GPHN: variants seen among roughly 807,000 people sequenced by gnomAD.
The protein encoded by GPHN is gephyrin.
In GPHN, 17 loss-of-function variants were observed where a neutral mutation model predicts 95.5. The observed-to-expected ratio is 0.18, with a 90% CI of 0.12 to 0.27. The LOEUF is 0.27. GPHN is among the 10% of genes least tolerant of loss of function. GPHN has a pLI of 1.00. For synonymous variants in GPHN, 320 were observed against 322.5 expected (o/e 0.99, Z 0.08); for missense variants, 660 against 978.1 (o/e 0.67, Z 4.34).
At chr14:67,375,236 G>C in the GPHN span, among the ~76,000 whole-genome samples, 1 of 15,926 alleles carries the variant, frequency 6.3e-5, no homozygotes, top group African/African-American at 2.6e-4. Context: ...TCAGTTCTGT[G>C]TGTGTGTGTG....
At chr14:67,678,978 G>A in the GPHN span, among the ~76,000 whole-genome samples, 7 of 152,212 alleles carry the variant, frequency 4.6e-5, no homozygotes, top group African/African-American at 1.7e-4. Context: ...AAGGTACGAG[G>A]TGTCTTGGTC....
the GPHN span, among the ~76,000 whole-genome samples, chr14:67,346,262 T>C: frequency 6.6e-6 from 1 of 152,220 alleles, no homozygotes; most frequent in East Asian, 1.9e-4. Flanking sequence ...ATGATTTAAT[T>C]AAATATCACA....
the GPHN span, among the ~76,000 whole-genome samples, chr14:67,221,096 T>G: frequency 1.3e-5 from 2 of 152,320 alleles, no homozygotes; most frequent in African/African-American, 2.4e-5. Flanking sequence ...AAATAAGTAT[T>G]TTGATTATTA....
In GPHN at chr14:66,584,536, G is replaced by A. The variant is rs563578752; in HGVS notation, c.64+75945G>A. 3.3e-5 allele frequency among the ~76,000 whole-genome samples: 5 copies of A among 152,212 alleles called. No individual in the cohort carries two copies. In the South Asian group the frequency reaches 1.0e-3, roughly 32 times the overall value. ...ATTGGCTGTGGGTTTGTCATAGATAGCTCTTATTATTTTGAGATATGTCCC... is the reference window on the plus strand; with the variant it reads ...ATTGGCTGTGGGTTTGTCATAGATAACTCTTATTATTTTGAGATATGTCCC... On this transcript the variant is annotated intron_variant, in intron 1 of 22. Coordinates refer to ENST00000478722, the MANE Select transcript of GPHN (RefSeq NM_020806.5).
At chr14:67,214,643 A>C in the GPHN span, among the ~76,000 whole-genome samples, 2 of 151,988 alleles carry the variant, frequency 1.3e-5, no homozygotes, top group African/African-American at 2.4e-5. Flanking sequence ...TGACTTGGCG[A>C]TGCGGGCTCT....
At chr14:66,623,203 C>A (rs557713491) in intron 1 of GPHN, among the ~76,000 whole-genome samples, 2 of 152,186 alleles carry the variant, frequency 1.3e-5, no homozygotes, top group Non-Finnish European at 2.9e-5. Context: ...CAGGGAAACT[C>A]CCATTTTTAA....
intron 1 of GPHN, among the ~76,000 whole-genome samples, chr14:66,674,345 G>A (rs766819755): frequency 1.3e-5 from 2 of 151,926 alleles, no homozygotes; most frequent in Non-Finnish European, 2.9e-5. Flanking sequence ...TGATCCACCC[G>A]CCTCAGCCTC....
intron 5 of GPHN, among the ~76,000 whole-genome samples, chr14:66,896,081 G>A (rs1433348397): frequency 2.6e-5 from 4 of 151,984 alleles, no homozygotes; most frequent in East Asian, 1.9e-4. Flanking sequence ...AGCTCCTGAC[G>A]GCTTCTTTTA....
At chr14:67,096,366 A>G (rs977694997) in intron 12 of GPHN, among the ~76,000 whole-genome samples, 6 of 152,130 alleles carry the variant, frequency 3.9e-5, no homozygotes, top group Non-Finnish European at 8.8e-5. Flanking sequence ...ACCTCCCCAG[A>G]TGACCTCCAG....
the GPHN span, among the ~76,000 whole-genome samples, chr14:67,513,406 T>G: frequency 1.3e-5 from 2 of 152,190 alleles, no homozygotes; most frequent in Non-Finnish European, 2.9e-5. Flanking sequence ...CACAAATCTA[T>G]AGCTCAGGGG....
intron 1 of GPHN, among the ~76,000 whole-genome samples, chr14:66,660,426 A>G (rs1398572378): frequency 6.6e-6 from 1 of 152,184 alleles, no homozygotes; most frequent in Non-Finnish European, 1.5e-5. Flanking sequence ...TGATGTTCCA[A>G]GAGTTCTTAT....
intron 1 of GPHN, among the ~76,000 whole-genome samples, chr14:66,585,626 C>T (rs1452457795): frequency 1.3e-5 from 2 of 152,130 alleles, no homozygotes; most frequent in Non-Finnish European, 1.5e-5. Context: ...ATCTTTATTT[C>T]TGCCTCCATT....
intron 8 of GPHN, among the ~76,000 whole-genome samples, chr14:66,956,447 G>C (rs939578981): frequency 2.0e-5 from 3 of 152,160 alleles, no homozygotes; most frequent in African/African-American, 7.2e-5. Context: ...CTAGATCCCT[G>C]AGGAATCGCC....
chr14:66,784,731 A>G (rs1323913032), intron 3 of GPHN, among the ~76,000 whole-genome samples: 1 of 152,178 alleles, frequency 6.6e-6, no homozygotes, highest in Non-Finnish European at 1.5e-5. Context: ...ATACAAAGCA[A>G]TATACTCAAA....
chr14:67,462,808 G>A, the GPHN span, among the ~76,000 whole-genome samples: 1 of 152,220 alleles, frequency 6.6e-6, no homozygotes, highest in East Asian at 1.9e-4. Context: ...TCAAATCAAG[G>A]GAAAGAGGTT....
intron 2 of GPHN, among the ~76,000 whole-genome samples, chr14:66,700,251 A>T (rs2068433978): frequency 6.6e-6 from 1 of 152,180 alleles, no homozygotes; most frequent in South Asian, 2.1e-4. Flanking sequence ...TTGAGGTGGG[A>T]CTATACATTT....
At chr14:67,155,365 G>C (rs972260498) in intron 18 of GPHN, among the ~76,000 whole-genome samples, 1 of 152,132 alleles carries the variant, frequency 6.6e-6, no homozygotes, top group Non-Finnish European at 1.5e-5. Context: ...TTTCATACCT[G>C]ATATTTGGGC....
At chr14:66,888,536 A>T (rs2064314964) in intron 5 of GPHN, among the ~76,000 whole-genome samples, 1 of 152,144 alleles carries the variant, frequency 6.6e-6, no homozygotes, top group Admixed American at 6.5e-5. Context: ...TTATTACTTT[A>T]GGATGTTAAA....
At chr14:66,723,634 T>C (rs1236446584) in intron 2 of GPHN, among the ~76,000 whole-genome samples, 3 of 152,128 alleles carry the variant, frequency 2.0e-5, no homozygotes, top group East Asian at 1.9e-4. Context: ...GATTCTTAGG[T>C]TGCATTTATA....
Sources: gnomAD v4.1 joint callset for allele counts (sites outside exome capture counted in the v4.1 genomes callset) on GRCh38, gnomAD v4.1.1 for gene constraint, MANE v1.5 for transcripts, NCBI Gene and HGNC (gene_info 2026-07-23, HGNC 2026-07-21) for gene names.